Variants in ASAH1 observed in about 807,000 individuals in gnomAD.
The protein encoded by ASAH1 is acid ceramidase.
In ASAH1, 70 loss-of-function variants were observed where a neutral mutation model predicts 59.5. That is an observed-to-expected ratio of 1.18 (90% CI 0.97 to 1.43). The LOEUF is 1.43. Ranked by LOEUF, ASAH1 falls within the 40% of genes most tolerant of loss-of-function variation. The probability of loss-of-function intolerance (pLI) is 0.00; values close to 1 mark genes in which losing one functional copy is unlikely to be tolerated. For missense variants in ASAH1, 660 were observed against 482.5 expected, an observed-to-expected ratio of 1.37 and a Z score of -3.45; for synonymous variants, 213 against 166.5, an observed-to-expected ratio of 1.28 and a Z score of -2.15.
At chr8:18,069,253 G>A (rs1031207398) in intron 4 of ASAH1, among the ~76,000 whole-genome samples, 1 of 151,902 alleles carries the variant, frequency 6.6e-6, no homozygotes, top group Non-Finnish European at 1.5e-5. Context: ...GGCCCTAGGT[G>A]TTTCATTGGT....
chr8:18,061,458 C>T lies in ASAH1; in HGVS notation c.704G>A (p.Gly235Asp), dbSNP rs886062781. The T allele has an allele frequency of 6.2e-7, 1 of 1,610,128 alleles. No individual in the cohort carries two copies. The highest frequency in any genetic ancestry group is 8.5e-7 in the Non-Finnish European group (1 of 1,176,294). The change falls in exon 10 of 14, where the codon GGT becomes GAT. Residue 235 changes from glycine to aspartate, a missense_variant and splice_region_variant. By Grantham distance (94) the Gly-to-Asp change is moderately conservative (BLOSUM62 -1). Coordinates refer to ENST00000637790, the MANE Select transcript of ASAH1 (RefSeq NM_177924.5). The stretch of plus-strand genomic sequence containing the variant: ...CTTTCCCAGAATCCATTCTAGAATA[C>T]CTGGAAGAGATGAACACAATGTCAG... Reference protein sequence around the residue: ...ERFSINGGYLGILEWILGKKD... With the variant: ...ERFSINGGYLDILEWILGKKD...
At position 18,056,096 on chromosome 8, in the gene ASAH1, G is replaced by A. The variant is rs1465261664; in HGVS notation, c.*1438C>T. 6.6e-6 allele frequency: 1 copy of A among 152,048 alleles called. No individual in the cohort carries two copies. Among genetic ancestry groups the A allele is most frequent in the African/African-American group, 2.4e-5 (1 of 41,390 alleles). The allele number at this position is 152,048 out of a possible 1,614,324, so 9.4% of individuals were successfully genotyped here. ...CATTTATGTAAGAGGTAGAAAATCTGAGTAAAGTTTTTTTTTCATTAATTA... is the reference window on the plus strand; with the variant it reads ...CATTTATGTAAGAGGTAGAAAATCTAAGTAAAGTTTTTTTTTCATTAATTA... On this transcript the variant is annotated 3_prime_UTR_variant, in exon 14 of 14. Transcript: ENST00000637790.
At chr8:18,060,713 T>A (rs1799658896) in intron 10 of ASAH1, 1 of 152,380 alleles carries the variant, frequency 6.6e-6, no homozygotes, top group Admixed American at 6.5e-5. Context: ...AGGCAAGATA[T>A]AACTTACAGG....
At chr8:18,077,116 T>C (rs1800435384) in intron 1 of ASAH1, among the ~76,000 whole-genome samples, 1 of 152,234 alleles carries the variant, frequency 6.6e-6, no homozygotes, top group African/African-American at 2.4e-5. Flanking sequence ...CTAATGGCTC[T>C]GTCACAAGAG....
At chr8:18,080,113 T>C (rs1391114814) in intron 1 of ASAH1, among the ~76,000 whole-genome samples, 3 of 152,208 alleles carry the variant, frequency 2.0e-5, no homozygotes, top group African/African-American at 4.8e-5. Flanking sequence ...GAAAAGCAGA[T>C]GAAGTGCAAT....
intron 2 of ASAH1, among the ~76,000 whole-genome samples, chr8:18,072,072 A>T (rs1800198171): frequency 6.6e-6 from 1 of 152,228 alleles, no homozygotes; most frequent in Admixed American, 6.5e-5. Flanking sequence ...CCAGTCACTT[A>T]TCAGTGAAGC....
At chr8:18,060,452 T>G (rs182707397) in intron 10 of ASAH1, 2 of 152,580 alleles carry the variant, frequency 1.3e-5, no homozygotes, top group Admixed American at 6.5e-5. Context: ...CCACCCTTAC[T>G]GTCCATGCCT....
intron 2 of ASAH1, among the ~76,000 whole-genome samples, chr8:18,075,241 C>A (rs1002649459): frequency 1.8e-4 from 28 of 152,160 alleles, no homozygotes; most frequent in Non-Finnish European, 3.4e-4. Flanking sequence ...GATTTACCCG[C>A]CTCGGCCTCC....
At chr8:18,059,222 TAGAG>T in intron 12 of ASAH1, 115 bp downstream of exon 12, 1 of 1,503,148 alleles carries the variant, frequency 6.7e-7, no homozygotes. Flanking sequence ...GGAGAGTGGC[TAGAG>T]ATACTATGAA....
At chr8:18,057,697 T>C in intron 13 of ASAH1, 74 bp from the exon 14 acceptor site, 1 of 1,024,162 alleles carries the variant, frequency 9.8e-7, no homozygotes, top group Non-Finnish European at 1.4e-6. Context: ...AGCATTTCTA[T>C]ACTTGTAGAA....
chr8:18,070,458 A>G (rs1001992904), intron 3 of ASAH1, among the ~76,000 whole-genome samples: 14 of 151,342 alleles, frequency 9.3e-5, no homozygotes, highest in Middle Eastern at 3.5e-3. Flanking sequence ...TAATTTTTGT[A>G]TTTTTAATAG....
Position 18,057,070 on chromosome 8 carries a change from C to A in ASAH1, c.*464G>T. On this transcript the variant is annotated 3_prime_UTR_variant, in exon 14 of 14. Coordinates refer to ENST00000637790, the MANE Select transcript of ASAH1 (RefSeq NM_177924.5). ...GATAATGATATATTAATTTTAACAGCAGTTAGAACCAGAAGGAAAAGGCTG... is the reference window on the plus strand; with the variant it reads ...GATAATGATATATTAATTTTAACAGAAGTTAGAACCAGAAGGAAAAGGCTG... 1 of 168,466 alleles carries A rather than the reference C, an allele frequency of 5.9e-6. No individual in the cohort carries two copies. 10.4% of individuals were successfully genotyped at this position (168,466 alleles called of 1,614,324 possible).
At chr8:18,083,564 ACTC>A (rs1179640517) in intron 1 of ASAH1, among the ~76,000 whole-genome samples, 2 of 152,194 alleles carry the variant, frequency 1.3e-5, no homozygotes, top group African/African-American at 2.4e-5. Context: ...CCTGGGCTGA[ACTC>A]CTGAACTTCT....
chr8:18,061,108 C>T (rs1799677641), intron 10 of ASAH1: 1 of 339,844 alleles, frequency 2.9e-6, no homozygotes. Context: ...GTGTGTGGGT[C>T]ATTTTTTTTC....
At chr8:18,067,638 A>G (rs1192837182) in intron 4 of ASAH1, 1 of 159,758 alleles carries the variant, frequency 6.3e-6, no homozygotes, top group Non-Finnish European at 1.3e-5. Context: ...CCACACCACA[A>G]AAACATCATA....
At position 18,067,280 on chromosome 8, in the gene ASAH1, A is replaced by G. The variant is rs749375057; in HGVS notation, c.322T>C (p.Phe108Leu). ...ATTTCCTCTTCAAAAGGGCCAGGAA[A>G]GTTGCCAAGTAGGCCAGGCTGGAAA... The part of the protein sequence containing the change: ...DEKLPGLLGN[F>L]PGPFEEEMKG... The change falls in exon 5 of 14, where the codon TTT becomes CTT. Residue 108 changes from phenylalanine to leucine, a missense_variant. Coordinates refer to ENST00000637790, the MANE Select transcript of ASAH1 (RefSeq NM_177924.5). 10 of 1,600,612 alleles carry G rather than the reference A, an allele frequency of 6.2e-6. No individual in the cohort carries two copies. The East Asian group carries it at 1.3e-4, about 21-fold the overall frequency.
chr8:18,059,585 A>G lies in ASAH1; in HGVS notation c.904T>C (p.Leu302=), dbSNP rs149712271. 1.1e-5 allele frequency: 17 copies of G among 1,614,072 alleles called. No individual in the cohort carries two copies. Among genetic ancestry groups the G allele is most frequent in the African/African-American group, 2.7e-5 (2 of 74,930 alleles). ...CVITRDRKES[L]DVYELDAKQG... is the part of the protein sequence containing the mutation. ...AAACCTACTTACTCATATACATCCA[A>G]TGATTCCTTTCTGTCTCGTGTAATC... Residue 302 remains leucine (L), a synonymous_variant, in exon 11 of 14, where the codon TTG becomes CTG. Transcript: ENST00000637790.
chr8:18,062,533 G>T (rs138332332), intron 7 of ASAH1, 110 bp from the exon 8 acceptor site: 2 of 1,197,020 alleles, frequency 1.7e-6, no homozygotes, highest in Non-Finnish European at 2.5e-6. Context: ...GAGTCACCAC[G>T]ATCAATCCTA....
At position 18,057,345 on chromosome 8, in the gene ASAH1, A is replaced by C. The variant is rs1799511210; in HGVS notation, c.*189T>G. 1 of 409,250 alleles carries C rather than the reference A, an allele frequency of 2.4e-6. No individual in the cohort carries two copies. The highest frequency in any genetic ancestry group is 2.1e-5 in the African/African-American group (1 of 47,682). The allele number at this position is 409,250 out of a possible 1,614,324, so 25.4% of individuals were successfully genotyped here. On this transcript the variant is annotated 3_prime_UTR_variant, in exon 14 of 14. Coordinates refer to ENST00000637790, the MANE Select transcript of ASAH1 (RefSeq NM_177924.5). ...TAAAGAAGTTATCTGTAAATAAGAA[A>C]AATCAACTGATAGGGGGAAAAAAAA...
Sources: allele counts gnomAD v4.1 joint callset (sites outside exome capture counted in the v4.1 genomes callset), GRCh38; gene constraint gnomAD v4.1.1; transcripts MANE v1.5; gene names NCBI Gene and HGNC (gene_info 2026-07-23, HGNC 2026-07-21).